Variants in CADM4 observed in about 807,000 individuals in gnomAD.
The protein encoded by CADM4 is cell adhesion molecule 4, also known as TSLC1-like 2.
CADM4 carries 13 observed loss-of-function variants against 43.9 expected under a neutral mutation model. That is an observed-to-expected ratio of 0.30 (90% CI 0.19 to 0.47). The LOEUF (loss-of-function observed/expected upper bound fraction) is 0.47. CADM4 is among the 20% of genes least tolerant of loss of function. The pLI is 1.00. For synonymous variants in CADM4, 209 were observed against 220.9 expected, an observed-to-expected ratio of 0.95 and a Z score of 0.48; for missense variants, 420 against 527.0, an observed-to-expected ratio of 0.80 and a Z score of 1.99.
chr19:43,633,850 A>T lies in CADM4; in HGVS notation c.64+5877T>A, dbSNP rs185305608. On this transcript the variant is annotated intron_variant, in intron 1 of 8. Transcript: ENST00000222374. ...GGTGCGTAGCTATGCCCAGCTAATT[A>T]AAAAAAAAAAAATTTTTTTTTTTTT... Among the ~76,000 whole-genome samples, 523 of 147,774 alleles carry T rather than the reference A, an allele frequency of 3.5e-3. 1 individual carries two copies. Among genetic ancestry groups the T allele is most frequent in the Non-Finnish European group, 5.6e-3 (372 of 66,722 alleles).
At chr19:43,636,978 A>G (rs1973713638) in intron 1 of CADM4, among the ~76,000 whole-genome samples, 4 of 152,006 alleles carry the variant, frequency 2.6e-5, no homozygotes, top group Admixed American at 2.6e-4. Flanking sequence ...AACTCCTAAT[A>G]GCCTCTCTAT....
At position 43,624,501 on chromosome 19, in the gene CADM4, C is replaced by T. The variant is rs575399701; in HGVS notation, c.929-259G>A. 5.9e-5 allele frequency among the ~76,000 whole-genome samples: 9 copies of T among 152,264 alleles called. No individual in the cohort carries two copies. The South Asian group carries it at 1.9e-3, about 32-fold the overall frequency. ...TTTTCTTTTGCAGAGACGGGGGTCT[C>T]ACTATGTGGCCCAGGCTGATCTTAA... On this transcript the variant is annotated intron_variant, in intron 7 of 8. Transcript: ENST00000222374.
chr19:43,627,357 C>T lies in CADM4; in HGVS notation c.212-39G>A, dbSNP rs753405915. On this transcript the variant is annotated intron_variant, in intron 2 of 8. Transcript: ENST00000222374. The surrounding 1 kb of genome is among the most constrained non-coding windows in gnomAD (Gnocchi z 4.0). The stretch of plus-strand genomic sequence containing the variant: ...GGGGGAAGGTGTGAATTTCGGGAGT[C>T]CTGGCCTCACAAGTCCCACCCTTCC... 5 of 1,531,454 alleles carry T rather than the reference C, an allele frequency of 3.3e-6. No individual in the cohort carries two copies. The highest frequency in any genetic ancestry group is 1.4e-5 in the African/African-American group (1 of 72,602). The allele number at this position is 1,531,454 out of a possible 1,614,324, so 94.9% of individuals were successfully genotyped here. A position where few individuals can be genotyped will look rare whatever the true frequency, so the allele number is the denominator to read the frequency against.
At chr19:43,628,994 GTTGTT>G (rs1012266138) in intron 1 of CADM4, among the ~76,000 whole-genome samples, 3 of 152,212 alleles carry the variant, frequency 2.0e-5, no homozygotes, top group African/African-American at 7.2e-5. Flanking sequence ...TAAGGTGGTG[GTTGTT>G]TTAAGCTCCT....
chr19:43,639,421 C>T (rs533476908), intron 1 of CADM4, among the ~76,000 whole-genome samples: 1 of 150,204 alleles, frequency 6.7e-6, no homozygotes, highest in African/African-American at 2.5e-5. Context: ...AGAGACTGGA[C>T]AGAAGGACAG....
At position 43,626,799 on chromosome 19, in the gene CADM4, G is replaced by T. The variant is rs890982613; in HGVS notation, c.484C>A (p.Arg162Ser). The change falls in exon 4 of 9, where the codon CGC becomes AGC. Residue 162 changes from arginine (R) to serine (S), a missense_variant. Arg to Ser is a moderately radical substitution (Grantham distance 110). Transcript: ENST00000222374. The surrounding 1 kb of genome is among the most constrained non-coding windows in gnomAD (Gnocchi z 5.9). ...CCCAGGGTACCTTTCAGCTCCTTGC[G>T]GTCCCGGTACCAGCGCAGGGTGGCA... ...PAATLRWYRD[R>S]KELKGVSSSQ... is the part of the protein sequence containing the mutation. 11 of 1,596,544 alleles carry T rather than the reference G, an allele frequency of 6.9e-6. No individual in the cohort carries two copies. The highest frequency in any genetic ancestry group is 9.4e-6 in the Non-Finnish European group (11 of 1,169,426).
At chr19:43,634,902 C>T (rs1240954338) in intron 1 of CADM4, among the ~76,000 whole-genome samples, 3 of 150,260 alleles carry the variant, frequency 2.0e-5, no homozygotes, top group African/African-American at 7.3e-5. Context: ...GAATTCAGCC[C>T]CCAACCACCT....
upstream of CADM4, among the ~76,000 whole-genome samples, chr19:43,640,081 C>T (rs996598021): frequency 6.7e-5 from 10 of 148,560 alleles, no homozygotes; most frequent in African/African-American, 2.5e-4. Context: ...TGGGGGATCT[C>T]GGTGAGCGCG....
At chr19:43,641,149 A>G (rs890665191), upstream of CADM4, among the ~76,000 whole-genome samples, 1 of 152,060 alleles carries the variant, frequency 6.6e-6, no homozygotes, top group Non-Finnish European at 1.5e-5. Context: ...TTATATTTTT[A>G]GTAGAGACGG....
Position 43,626,014 on chromosome 19 carries a change from AG to A in CADM4, c.665-14del, listed in dbSNP as rs1280575404. On this transcript the variant is annotated splice_polypyrimidine_tract_variant and intron_variant, in intron 5 of 8. Transcript: ENST00000222374. The surrounding 1 kb of genome is among the most constrained non-coding windows in gnomAD (Gnocchi z 5.9). ...GCCGTGGGGGAGTCTGTTAGGCAAA[AG>A]TAAGAGGAGAGAGTAGTTTCCAAGC... 1 of 1,614,090 alleles carries A rather than the reference AG, an allele frequency of 6.2e-7. No homozygotes were observed. Among genetic ancestry groups the A allele is most frequent in the South Asian group, 1.1e-5 (1 of 91,068 alleles).
intron 1 of CADM4, among the ~76,000 whole-genome samples, chr19:43,638,557 C>T (rs1482448166): frequency 1.3e-5 from 2 of 152,234 alleles, no homozygotes; most frequent in African/African-American, 4.8e-5. Context: ...TCAAGACTTA[C>T]ACAGTGTGAG....
At chr19:43,635,527 TC>T (rs1165198096) in intron 1 of CADM4, among the ~76,000 whole-genome samples, 3 of 149,016 alleles carry the variant, frequency 2.0e-5, no homozygotes, top group Middle Eastern at 3.8e-3. Context: ...CATCCCTTCC[TC>T]CCTCAAGACC....
Position 43,623,837 on chromosome 19 carries a change from GTGCTTT to G in CADM4, c.1057+271_1057+276del, listed in dbSNP as rs2055443442. On this transcript the variant is annotated intron_variant, in intron 8 of 8. Transcript: ENST00000222374. The surrounding 1 kb of genome is among the most constrained non-coding windows in gnomAD (Gnocchi z 4.4). ...TGGTCTCGACCTCCTAGCTTCTCAA[GTGCTTT>G]ATCCGCCTTGGCCTCCCAACGTGCT... 6.6e-6 allele frequency among the ~76,000 whole-genome samples: 1 copy of G among 152,204 alleles called. No individual in the cohort carries two copies. Among genetic ancestry groups the G allele is most frequent in the African/African-American group, 2.4e-5 (1 of 41,436 alleles).
rs897428893 is a variant in CADM4, at chr19:43,624,030, C to T, written c.1057+84G>A. On this transcript the variant is annotated intron_variant, in intron 8 of 8. Coordinates refer to ENST00000222374, the MANE Select transcript of CADM4 (RefSeq NM_145296.2). ...TGGAATCCAGAGCCTAGGCTCCGCC[C>T]TCTCGTTACCCTGGCTCTAGGCCCC... 9.7e-6 allele frequency: 15 copies of T among 1,544,072 alleles called. No homozygotes were observed. The African/African-American group carries it at 2.0e-4, about 21-fold the overall frequency.
chr19:43,637,128 C>T (rs1208527664), intron 1 of CADM4, among the ~76,000 whole-genome samples: 4 of 152,164 alleles, frequency 2.6e-5, no homozygotes, highest in African/African-American at 7.2e-5. Flanking sequence ...TCTGCCCACC[C>T]TGGATCCTTC....
Position 43,625,842 on chromosome 19 carries a change from C to T in CADM4, c.755+69G>A, listed in dbSNP as rs1973516201. On this transcript the variant is annotated intron_variant, in intron 6 of 8. Transcript: ENST00000222374. This position sits in a 1 kb window ranked among gnomAD's most constrained non-coding sequence, Gnocchi z 4.5. ...CTCCTTAGGACCCAGGAGTCCAAGT[C>T]CCTGGTCCCTGTTCTTCCAGGTCCC... The T allele has an allele frequency of 1.5e-6, 2 of 1,346,950 alleles. No homozygotes were observed. Among genetic ancestry groups the T allele is most frequent in the South Asian group, 1.2e-5 (1 of 83,726 alleles). The allele number at this position is 1,346,950 out of a possible 1,614,324, so 83.4% of individuals were successfully genotyped here.
At position 43,626,504 on chromosome 19, in the gene CADM4, TC is replaced by T. The variant is rs1973530759; in HGVS notation, c.500-217del. Among the ~76,000 whole-genome samples the T allele has an allele frequency of 6.6e-6, 1 of 152,072 alleles. No individual in the cohort carries two copies. The highest frequency in any genetic ancestry group is 1.5e-5 in the Non-Finnish European group (1 of 68,026). On this transcript the variant is annotated intron_variant, in intron 4 of 8. Coordinates refer to ENST00000222374, the MANE Select transcript of CADM4 (RefSeq NM_145296.2). This position sits in a 1 kb window ranked among gnomAD's most constrained non-coding sequence, Gnocchi z 5.9. Reference sequence around the variant, plus strand: ...ACGCTCATGCTTTCTCGTCTATCAATCCATTTAATTGCTATATATATAAAAA... The same window carrying T: ...ACGCTCATGCTTTCTCGTCTATCAATCATTTAATTGCTATATATATAAAAA...
At chr19:43,640,868 A>C (rs1973764949), upstream of CADM4, among the ~76,000 whole-genome samples, 1 of 152,098 alleles carries the variant, frequency 6.6e-6, no homozygotes, top group Non-Finnish European at 1.5e-5. Flanking sequence ...GGGACCCAGA[A>C]AGAGTGAGAA....
Position 43,626,990 on chromosome 19 carries a change from G to A in CADM4, c.365-72C>T. ...TGGGCTCAAAGCGATCGAGCTGCCTGTTCCCAGCGACCATAGGGAACCAGG... is the reference window on the plus strand; with the variant it reads ...TGGGCTCAAAGCGATCGAGCTGCCTATTCCCAGCGACCATAGGGAACCAGG... On this transcript the variant is annotated intron_variant, in intron 3 of 8. Transcript: ENST00000222374. The surrounding 1 kb of genome is among the most constrained non-coding windows in gnomAD (Gnocchi z 5.9). 1.3e-5 allele frequency: 20 copies of A among 1,500,114 alleles called. No individual in the cohort carries two copies. Among genetic ancestry groups the A allele is most frequent in the South Asian group, 1.3e-4 (10 of 76,238 alleles). The allele number at this position is 1,500,114 out of a possible 1,614,324, so 92.9% of individuals were successfully genotyped here. A position where few individuals can be genotyped will look rare whatever the true frequency, so the allele number is the denominator to read the frequency against.
Sources: allele counts gnomAD v4.1 joint callset (sites outside exome capture counted in the v4.1 genomes callset), GRCh38; gene constraint gnomAD v4.1.1; non-coding constraint Gnocchi (gnomAD v3.1); transcripts MANE v1.5; gene names NCBI Gene and HGNC (gene_info 2026-07-23, HGNC 2026-07-21).